Variants in DDR2 observed in about 807,000 individuals in gnomAD.
The protein encoded by DDR2 is discoidin domain receptor tyrosine kinase 2.
Under a neutral mutation model 94.9 loss-of-function variants are expected in DDR2, and 27 were observed. The ratio of observed to expected loss-of-function variants is 0.28; its 90% CI spans 0.21 to 0.39. The LOEUF is 0.39. Among genes scored for constraint, DDR2 ranks in the 10% least tolerant of loss-of-function variants. The pLI, the probability that DDR2 is intolerant of heterozygous loss-of-function variation, is 1.00. For missense variants in DDR2, 783 were observed against 1,076.0 expected, an observed-to-expected ratio of 0.73 and a Z score of 3.81; for synonymous variants, 382 against 377.2, an observed-to-expected ratio of 1.01 and a Z score of -0.15.
In DDR2 at chr1:162,785,889, C is replaced by G. The variant is rs573489553; in HGVS notation, c.*5643C>G. The G allele has an allele frequency of 1.3e-5, 2 of 152,328 alleles. No homozygotes were observed. Among genetic ancestry groups the G allele is most frequent in the East Asian group, 1.9e-4 (1 of 5,188 alleles). The allele number at this position is 152,328 out of a possible 1,614,324, so 9.4% of individuals were successfully genotyped here. Reference sequence around the variant, plus strand: ...GACAGCAATGAAAGGTAGTTCTCCACAGGACACCGAATCAAAAGGAGAGAC... The same window carrying G: ...GACAGCAATGAAAGGTAGTTCTCCAGAGGACACCGAATCAAAAGGAGAGAC... On this transcript the variant is annotated 3_prime_UTR_variant, in exon 18 of 18. Transcript: ENST00000367921.
chr1:162,702,189 A>G (rs1183208932), intron 2 of DDR2, among the ~76,000 whole-genome samples: 1 of 152,096 alleles, frequency 6.6e-6, no homozygotes, highest in African/African-American at 2.4e-5. Context: ...GTTGTTGTGC[A>G]TAAAGTTCTG....
chr1:162,713,788 T>C (rs1260960013), intron 2 of DDR2, among the ~76,000 whole-genome samples: 1 of 152,218 alleles, frequency 6.6e-6, no homozygotes, highest in South Asian at 2.1e-4. Context: ...AAAAAATATA[T>C]TGCAAAGCAC....
intron 2 of DDR2, among the ~76,000 whole-genome samples, chr1:162,677,239 G>C (rs1335709696): frequency 1.3e-5 from 2 of 152,080 alleles, no homozygotes; most frequent in Non-Finnish European, 2.9e-5. Context: ...CTAAGGGTCC[G>C]GGCAGGATGC....
intron 2 of DDR2, among the ~76,000 whole-genome samples, chr1:162,668,369 G>A (rs1014378251): frequency 6.6e-6 from 1 of 152,172 alleles, no homozygotes; most frequent in African/African-American, 2.4e-5. Context: ...AAGGAATAAT[G>A]GATCTGACTG....
chr1:162,760,681 A>C (rs1663683390), intron 8 of DDR2, among the ~76,000 whole-genome samples: 1 of 151,812 alleles, frequency 6.6e-6, no homozygotes, highest in Non-Finnish European at 1.5e-5. Flanking sequence ...TCACAGTGGC[A>C]GTGATAGTTG....
chr1:162,696,216 A>ATTTT (rs1558032410), intron 2 of DDR2, among the ~76,000 whole-genome samples: 3 of 26,888 alleles, frequency 1.1e-4, no homozygotes, highest in African/African-American at 1.5e-4. Context: ...TTTTTTTTTA[A>ATTTT]AAAAAAAACA....
intron 11 of DDR2, among the ~76,000 whole-genome samples, chr1:162,769,640 G>T (rs1423928101): frequency 1.3e-5 from 2 of 152,174 alleles, no homozygotes; most frequent in East Asian, 3.8e-4. Flanking sequence ...GCAAATGCTG[G>T]CATTTGCCTT....
chr1:162,752,066 A>G (rs1663236726), intron 3 of DDR2, among the ~76,000 whole-genome samples: 1 of 152,282 alleles, frequency 6.6e-6, no homozygotes, highest in East Asian at 1.9e-4. Context: ...TAATGGGTGC[A>G]GCACACCAAC....
intron 2 of DDR2, among the ~76,000 whole-genome samples, chr1:162,679,777 T>C (rs1277500953): frequency 6.6e-6 from 1 of 152,098 alleles, no homozygotes; most frequent in Admixed American, 6.6e-5. Context: ...TGTGTTTTTT[T>C]TTCAACCTTG....
chr1:162,668,996 C>T (rs1417768994), intron 2 of DDR2, among the ~76,000 whole-genome samples: 2 of 152,126 alleles, frequency 1.3e-5, no homozygotes, highest in East Asian at 3.8e-4. Flanking sequence ...GGGCAGACTC[C>T]TGACATGATT....
chr1:162,772,066 A>AG lies in DDR2; in HGVS notation c.1552dup (p.Val518GlyfsTer8). 1 of 1,613,388 alleles carries AG rather than the reference A, an allele frequency of 6.2e-7. No individual in the cohort carries two copies. Among genetic ancestry groups the AG allele is most frequent in the South Asian group, 1.1e-5 (1 of 90,882 alleles). On this transcript the variant is annotated frameshift_variant, in exon 13 of 18. Coordinates refer to ENST00000367921, the MANE Select transcript of DDR2 (RefSeq NM_006182.4). LOFTEE classifies it high-confidence loss of function. ...AAGCCAGTCCAGCCCAGTGGCCCTG[A>AG]GGGGGTGCCCCACTATGCAGAGGCT... is the stretch of plus-strand genomic sequence containing the variant.
chr1:162,731,416 A>G (rs746738941), intron 3 of DDR2, among the ~76,000 whole-genome samples: 2 of 151,788 alleles, frequency 1.3e-5, no homozygotes, highest in Non-Finnish European at 2.9e-5. Flanking sequence ...ATTTATTTTT[A>G]TCTTATGCAA....
intron 3 of DDR2, among the ~76,000 whole-genome samples, chr1:162,727,395 TA>T (rs1343525280): frequency 6.9e-6 from 1 of 144,746 alleles, no homozygotes; most frequent in Non-Finnish European, 1.5e-5. Context: ...TATCTATATT[TA>T]TGTGTGTATA....
chr1:162,672,306 A>G (rs1458729487), intron 2 of DDR2, among the ~76,000 whole-genome samples: 3 of 152,210 alleles, frequency 2.0e-5, no homozygotes, highest in South Asian at 4.1e-4. Flanking sequence ...TATAAAAAAA[A>G]GTCTGACATA....
intron 3 of DDR2, among the ~76,000 whole-genome samples, chr1:162,746,802 CT>C (rs1236645119): frequency 6.6e-6 from 1 of 152,134 alleles, no homozygotes; most frequent in African/African-American, 2.4e-5. Context: ...GCAACATTTG[CT>C]GTTTTGCAAT....
At chr1:162,764,415 A>C (rs1489733765) in intron 9 of DDR2, among the ~76,000 whole-genome samples, 3 of 151,714 alleles carry the variant, frequency 2.0e-5, no homozygotes, top group Non-Finnish European at 4.4e-5. Context: ...AAAAAAAGAA[A>C]TGTCCAAAGC....
intron 2 of DDR2, among the ~76,000 whole-genome samples, chr1:162,695,580 T>A (rs2101984461): frequency 6.6e-6 from 1 of 152,064 alleles, no homozygotes. Context: ...GTGTGAGGAG[T>A]GATGCTATTG....
At position 162,776,248 on chromosome 1, in the gene DDR2, A is replaced by C. The variant is rs1331888792; in HGVS notation, c.2161A>C (p.Asn721His). Residue 721 changes from asparagine (N) to histidine (H), a missense_variant, in exon 16 of 18, where the codon AAC (asparagine) becomes CAC (histidine). By Grantham distance (68) the Asn-to-His change is moderately conservative (BLOSUM62 1). Around this residue, in one of 2 missense-constraint regions of DDR2, gnomAD observed 264 missense variants for 428.2 expected, o/e 0.62. Transcript: ENST00000367921. ...LATRNCLVGKNYTIKIADFGM... is the reference protein window; with the variant it reads ...LATRNCLVGKHYTIKIADFGM... ...CACACGAAACTGTTTAGTGGGTAAG[A>C]ACTACACAATCAAGATAGCTGACTT... 1 of 1,613,898 alleles carries C rather than the reference A, an allele frequency of 6.2e-7. No individual in the cohort carries two copies. The highest frequency in any genetic ancestry group is 8.5e-7 in the Non-Finnish European group (1 of 1,179,924).
intron 16 of DDR2, 48 bp from the exon 17 acceptor site, chr1:162,778,532 T>C (rs2102205516): frequency 6.2e-7 from 1 of 1,611,136 alleles, no homozygotes; most frequent in African/African-American, 1.3e-5. Context: ...CAGGGTGTTG[T>C]TGTGCACAGG....
Sources: allele counts gnomAD v4.1 joint callset (sites outside exome capture counted in the v4.1 genomes callset), GRCh38; gene constraint gnomAD v4.1.1; regional missense constraint gnomAD v4.1.1; transcripts MANE v1.5; gene names NCBI Gene and HGNC (gene_info 2026-07-23, HGNC 2026-07-21).